The following TP73 variants were observed in gnomAD, a reference collection of about 807,000 sequenced individuals.
The protein encoded by TP73 is p53-like transcription factor.
In TP73, 25 loss-of-function variants were observed where a neutral mutation model predicts 62.5. The observed-to-expected ratio is 0.40, with a 90% CI of 0.29 to 0.56. TP73 has a LOEUF of 0.56. Among genes scored for constraint, TP73 ranks in the 20% least tolerant of loss-of-function variants. TP73 has a pLI of 0.46. For missense variants in TP73, 754 were observed against 913.3 expected, an observed-to-expected ratio of 0.83 and a Z score of 2.25; for synonymous variants, 423 against 377.5, an observed-to-expected ratio of 1.12 and a Z score of -1.40.
In TP73 at chr1:3,662,122, G is replaced by A. The variant is rs1315119724; in HGVS notation, c.-34+9481G>A. 1 of 151,910 alleles carries A rather than the reference G, an allele frequency of 6.6e-6. No homozygotes were observed. The highest frequency in any genetic ancestry group is 2.4e-5 in the African/African-American group (1 of 41,360). 9.4% of individuals were successfully genotyped at this position (151,910 alleles called of 1,614,324 possible). On this transcript the variant is annotated intron_variant, in intron 1 of 13. Coordinates refer to ENST00000378295, the MANE Select transcript of TP73 (RefSeq NM_005427.4). This position sits in a 1 kb window ranked among gnomAD's most constrained non-coding sequence, Gnocchi z 4.4. ...TGCTGCCCCAAATTGCCACTCTCCTGGAGCAGCCCCTGAAGGTGGAGACCA... is the reference window on the plus strand; with the variant it reads ...TGCTGCCCCAAATTGCCACTCTCCTAGAGCAGCCCCTGAAGGTGGAGACCA...
chr1:3,682,305 C>A, intron 1 of TP73, 28 bp from the exon 2 acceptor site: 1 of 1,429,328 alleles, frequency 7.0e-7, no homozygotes. Flanking sequence ...TCCCAGGGTG[C>A]TCAGGTGTCA....
chr1:3,715,722 A>G (rs1640539399), intron 4 of TP73, among the ~76,000 whole-genome samples: 1 of 152,176 alleles, frequency 6.6e-6, no homozygotes, highest in South Asian at 2.1e-4. Flanking sequence ...GCTGCCTCGC[A>G]GCCTCCCCCA....
rs1641990783 is a variant in TP73, at chr1:3,729,850, T to C, written c.1197-150T>C. 3.4e-6 allele frequency: 4 copies of C among 1,187,126 alleles called. No individual in the cohort carries two copies. The South Asian group carries it at 4.7e-5, about 14-fold the overall frequency. The allele number at this position is 1,187,126 out of a possible 1,614,324, so 73.5% of individuals were successfully genotyped here. On this transcript the variant is annotated intron_variant, in intron 10 of 13. Transcript: ENST00000378295. ...GCCCAGTGGCCGTGCATGGCCATGG[T>C]TGGGGACAGGGAGGCTGGGGGAGGA...
Position 3,731,626 on chromosome 1 carries a change from C to G in TP73, c.1578+70C>G, listed in dbSNP as rs960757025. The G allele has an allele frequency of 3.7e-6, 5 of 1,364,892 alleles. No individual in the cohort carries two copies. The African/African-American group carries it at 7.2e-5, about 20-fold the overall frequency. 84.5% of individuals were successfully genotyped at this position (1,364,892 alleles called of 1,614,324 possible). A position where few individuals can be genotyped will look rare whatever the true frequency, so the allele number is the denominator to read the frequency against. The stretch of plus-strand genomic sequence containing the variant: ...GGGCCCCTGTCCGGAGGGCAAAGAG[C>G]CTTCTCTTCCTTGCTCTCGTGGCTG... On this transcript the variant is annotated intron_variant, in intron 13 of 13. Coordinates refer to ENST00000378295, the MANE Select transcript of TP73 (RefSeq NM_005427.4).
chr1:3,720,308 G>A (rs868436080), intron 4 of TP73, among the ~76,000 whole-genome samples: 1 of 152,206 alleles, frequency 6.6e-6, no homozygotes, highest in East Asian at 1.9e-4. Flanking sequence ...GGGGATGGGC[G>A]GCTTCCTGCC....
Position 3,663,677 on chromosome 1 carries a change from C to T in TP73, c.-34+11036C>T, listed in dbSNP as rs149379353. On this transcript the variant is annotated intron_variant, in intron 1 of 13. Coordinates refer to ENST00000378295, the MANE Select transcript of TP73 (RefSeq NM_005427.4). This position sits in a 1 kb window ranked among gnomAD's most constrained non-coding sequence, Gnocchi z 4.7. ...CTTGCAGTGAGCCAAGATCGTGCAA[C>T]AATGCGAGACTCCATCTCAAAAAAA... Among the ~76,000 whole-genome samples the T allele has an allele frequency of 9.7e-5, 14 of 143,768 alleles. No individual in the cohort carries two copies. The East Asian group carries it at 2.7e-3, about 27-fold the overall frequency. The allele number at this position is 143,768 out of a possible 152,430, so 94.3% of individuals were successfully genotyped here.
At chr1:3,680,695 CG>C (rs1419010284) in intron 1 of TP73, among the ~76,000 whole-genome samples, 1 of 152,238 alleles carries the variant, frequency 6.6e-6, no homozygotes, top group Non-Finnish European at 1.5e-5. Flanking sequence ...TGCTCTCCCC[CG>C]GGGCCCTGTG....
rs1639126358 is a variant in TP73, at chr1:3,701,082, C to T, written c.187-6467C>T. On this transcript the variant is annotated intron_variant, in intron 3 of 13. Coordinates refer to ENST00000378295, the MANE Select transcript of TP73 (RefSeq NM_005427.4). This position sits in a 1 kb window ranked among gnomAD's most constrained non-coding sequence, Gnocchi z 4.7. Reference sequence around the variant, plus strand: ...AGTGGCACACCGTGGCCACTTCCCCCAGTTGGATGGCCCGCGTGGATTTCA... The same window carrying T: ...AGTGGCACACCGTGGCCACTTCCCCTAGTTGGATGGCCCGCGTGGATTTCA... Among the ~76,000 whole-genome samples the T allele has an allele frequency of 6.6e-6, 1 of 152,204 alleles. No individual in the cohort carries two copies. The highest frequency in any genetic ancestry group is 1.5e-5 in the Non-Finnish European group (1 of 68,036).
chr1:3,698,028 A>G (rs1638825113), intron 3 of TP73: 2 of 975,430 alleles, frequency 2.1e-6, no homozygotes, highest in Non-Finnish European at 2.4e-6. Flanking sequence ...TCAGCCACCC[A>G]TTCTCGGCTC....
rs530528715 is a variant in TP73 at position 3,670,621 on chromosome 1, G to A, written c.-33-11712G>A. ...GCGGAGGTTGCAGTGAGCTGAGATC[G>A]TACCACTGCACTCCAGCCTGGGTGA... On this transcript the variant is annotated intron_variant, in intron 1 of 13. Transcript: ENST00000378295. The surrounding 1 kb of genome is among the most constrained non-coding windows in gnomAD (Gnocchi z 5.9). Among the ~76,000 whole-genome samples, 5 of 151,914 alleles carry A rather than the reference G, an allele frequency of 3.3e-5. No homozygotes were observed. The highest frequency in any genetic ancestry group is 4.8e-5 in the African/African-American group (2 of 41,334).
chr1:3,729,243 G>C (rs746066344), intron 9 of TP73, 84 bp from the exon 10 acceptor site: 6 of 1,580,188 alleles, frequency 3.8e-6, no homozygotes, highest in Non-Finnish European at 5.2e-6. Flanking sequence ...GCTTTGCCAA[G>C]CCCAGGTCCT....
At position 3,727,190 on chromosome 1, in the gene TP73, C is replaced by T. The variant is rs1381742069; in HGVS notation, c.808C>T (p.Pro270Ser). Residue 270 changes from proline to serine, a missense_variant, in exon 7 of 14, where the codon CCC becomes TCC. Physicochemically the swap from Pro to Ser is moderately conservative, Grantham distance 74. This residue lies in a region of TP73 where 61 missense variants were observed against 133.2 expected (regional missense o/e 0.46). Transcript: ENST00000378295. The stretch of plus-strand genomic sequence containing the variant: ...CTGTGTAGGGGGCATGAACCGGCGG[C>T]CCATCCTCATCATCATCACCCTGGA... Reference protein sequence around the residue: ...SSCVGGMNRRPILIIITLEMR... With the variant: ...SSCVGGMNRRSILIIITLEMR... 1 of 1,612,090 alleles carries T rather than the reference C, an allele frequency of 6.2e-7. No individual in the cohort carries two copies. Among genetic ancestry groups the T allele is most frequent in the Non-Finnish European group, 8.5e-7 (1 of 1,179,592 alleles).
chr1:3,703,442 A>G (rs1639380251), intron 3 of TP73, among the ~76,000 whole-genome samples: 1 of 152,162 alleles, frequency 6.6e-6, no homozygotes, highest in Non-Finnish European at 1.5e-5. Flanking sequence ...GACGGCACCG[A>G]GAGGGCTTCA....
chr1:3,700,960 G>T (rs1199233785), intron 3 of TP73, among the ~76,000 whole-genome samples: 2 of 152,212 alleles, frequency 1.3e-5, no homozygotes, highest in Non-Finnish European at 2.9e-5. Context: ...AGGACAAAGA[G>T]TCTTTCAAGG....
chr1:3,659,903 C>G (rs1434370025), intron 1 of TP73, among the ~76,000 whole-genome samples: 2 of 152,146 alleles, frequency 1.3e-5, no homozygotes, highest in African/African-American at 4.8e-5. Context: ...TGGTCTTGAA[C>G]TCCTGACCTC....
chr1:3,714,293 C>T (rs1317598391), intron 4 of TP73: 1 of 152,294 alleles, frequency 6.6e-6, no homozygotes, highest in East Asian at 1.9e-4. Context: ...CCAAGGCTGT[C>T]CCAGGAAGCT....
intron 13 of TP73, 95 bp downstream of exon 13, chr1:3,731,651 G>A: frequency 8.3e-7 from 1 of 1,197,938 alleles, no homozygotes; most frequent in Non-Finnish European, 1.2e-6. Flanking sequence ...TCTCGTGGCT[G>A]GGAAACTTGG....
chr1:3,696,763 C>T lies in TP73; in HGVS notation c.187-10786C>T, dbSNP rs1005659070. On this transcript the variant is annotated intron_variant, in intron 3 of 13. Transcript: ENST00000378295. The surrounding 1 kb of genome is among the most constrained non-coding windows in gnomAD (Gnocchi z 4.1). ...CCAGGCCTTGTGTCATGAAAGACCC[C>T]GAGCAGCGGTGGGGCTCAAGCCATG... 7.2e-5 allele frequency among the ~76,000 whole-genome samples: 11 copies of T among 152,238 alleles called. No homozygotes were observed. The highest frequency in any genetic ancestry group is 4.1e-4 in the South Asian group (2 of 4,828).
In TP73 at chr1:3,733,165, G is replaced by T; in HGVS notation, c.*86G>T. 7.2e-7 allele frequency: 1 copy of T among 1,393,572 alleles called. No individual in the cohort carries two copies. Among genetic ancestry groups the T allele is most frequent in the Non-Finnish European group, 9.6e-7 (1 of 1,045,138 alleles). The allele number at this position is 1,393,572 out of a possible 1,614,324, so 86.3% of individuals were successfully genotyped here. A position where few individuals can be genotyped will look rare whatever the true frequency, so the allele number is the denominator to read the frequency against. Reference sequence around the variant, plus strand: ...TTCCTGTGTGTCCAAAACTGCCTCAGGAGGCAGGACCTTCGGGCTGTGCCC... The same window carrying T: ...TTCCTGTGTGTCCAAAACTGCCTCATGAGGCAGGACCTTCGGGCTGTGCCC... On this transcript the variant is annotated 3_prime_UTR_variant, in exon 14 of 14. Coordinates refer to ENST00000378295, the MANE Select transcript of TP73 (RefSeq NM_005427.4).
Sources: allele counts gnomAD v4.1 joint callset (sites outside exome capture counted in the v4.1 genomes callset), GRCh38; gene constraint gnomAD v4.1.1; regional missense constraint gnomAD v4.1.1; non-coding constraint Gnocchi (gnomAD v3.1); transcripts MANE v1.5; gene names NCBI Gene and HGNC (gene_info 2026-07-23, HGNC 2026-07-21).